The following WWOX variants were observed in gnomAD, a reference collection of about 807,000 sequenced individuals.
The protein encoded by WWOX is WW domain-containing oxidoreductase.
A neutral mutation model predicts 46.2 loss-of-function variants in WWOX; 69 were observed. The observed-to-expected ratio is 1.49, with a 90% CI of 1.23 to 1.82. WWOX has a LOEUF of 1.82. WWOX is among the 40% of genes most tolerant of loss of function. The pLI, the probability that WWOX is intolerant of heterozygous loss-of-function variation, is 0.00. For missense variants in WWOX, 919 were observed against 542.6 expected (o/e 1.69, Z -6.89); for synonymous variants, 359 against 202.6 (o/e 1.77, Z -6.56).
intron 8 of WWOX, among the ~76,000 whole-genome samples, chr16:78,800,448 A>T (rs1459562957): frequency 6.6e-6 from 1 of 152,176 alleles, no homozygotes; most frequent in East Asian, 1.9e-4. Flanking sequence ...CTGGCTATGA[A>T]AATGGCCCCA....
At chr16:78,693,124 A>G (rs553265729) in intron 8 of WWOX, among the ~76,000 whole-genome samples, 2 of 152,288 alleles carry the variant, frequency 1.3e-5, no homozygotes, top group Admixed American at 6.5e-5. Context: ...TTGTAAATGT[A>G]TGTTGCTTTG....
intron 5 of WWOX, among the ~76,000 whole-genome samples, chr16:78,265,093 C>T (rs564685508): frequency 1.3e-3 from 190 of 150,836 alleles, no homozygotes; most frequent in African/African-American, 4.3e-3. Flanking sequence ...CTCTGCCTGC[C>T]TGGTTCAAGT....
rs186647849 is a variant in WWOX at position 78,155,348 on chromosome 16, A to G, written c.410-8835A>G. On this transcript the variant is annotated intron_variant, in intron 4 of 8. Transcript: ENST00000566780. ...GTCTGTGGGCTTGACTTGTCCTCTG[A>G]TCATCAGTTTGTGACCTCTGTTCTA... Among the ~76,000 whole-genome samples the G allele has an allele frequency of 5.7e-3, 871 of 152,322 alleles. 2 individuals carry two copies. The highest frequency in any genetic ancestry group is 0.017 in the Middle Eastern group (5 of 294).
intron 5 of WWOX, among the ~76,000 whole-genome samples, chr16:78,330,631 G>A (rs1157548815): frequency 6.6e-6 from 1 of 152,172 alleles, no homozygotes; most frequent in African/African-American, 2.4e-5. Flanking sequence ...TTTTGACCTC[G>A]TGATCCGCCC....
At chr16:78,592,267 T>C (rs1251701054) in intron 8 of WWOX, among the ~76,000 whole-genome samples, 1 of 152,230 alleles carries the variant, frequency 6.6e-6, no homozygotes, top group East Asian at 1.9e-4. Flanking sequence ...TCAGATTCTA[T>C]TTCACTAAAT....
chr16:78,687,984 G>C (rs1009239015), intron 8 of WWOX, among the ~76,000 whole-genome samples: 5 of 152,078 alleles, frequency 3.3e-5, no homozygotes, highest in African/African-American at 1.2e-4. Context: ...AAATGAACTT[G>C]CTACTTGGTT....
chr16:78,282,210 A>G (rs756896675), intron 5 of WWOX, among the ~76,000 whole-genome samples: 3 of 152,176 alleles, frequency 2.0e-5, no homozygotes, highest in South Asian at 2.1e-4. Context: ...ATGAGGTCCA[A>G]TTTTGCAAAA....
chr16:79,129,833 C>G (rs562400618), intron 8 of WWOX, among the ~76,000 whole-genome samples: 19 of 152,276 alleles, frequency 1.2e-4, no homozygotes, highest in Middle Eastern at 3.4e-3. Context: ...AGGAGGGTGA[C>G]AGCCTGGGTC....
intron 8 of WWOX, among the ~76,000 whole-genome samples, chr16:78,827,660 C>G (rs6564601): frequency 0.31 from 46,360 of 149,024 alleles, 7,419 homozygotes; most frequent in Middle Eastern, 0.45. Context: ...TGGTGAAACC[C>G]CATCTCTACT....
intron 8 of WWOX, among the ~76,000 whole-genome samples, chr16:79,076,622 T>C (rs2048662454): frequency 6.6e-6 from 1 of 152,200 alleles, no homozygotes; most frequent in Admixed American, 6.5e-5. Context: ...TGATTCTATC[T>C]GTACCTACCA....
chr16:78,604,180 A>G (rs2045689548), intron 8 of WWOX, among the ~76,000 whole-genome samples: 1 of 152,140 alleles, frequency 6.6e-6, no homozygotes, highest in Admixed American at 6.5e-5. Context: ...TGAATTTTGA[A>G]GACACAAATT....
At chr16:78,470,113 C>G (rs919045023) in intron 8 of WWOX, among the ~76,000 whole-genome samples, 2 of 152,218 alleles carry the variant, frequency 1.3e-5, no homozygotes, top group Non-Finnish European at 2.9e-5. Flanking sequence ...CCCAGGGACT[C>G]AAGCTCTTTT....
intron 6 of WWOX, among the ~76,000 whole-genome samples, chr16:78,393,301 C>A (rs2082214863): frequency 6.6e-6 from 1 of 152,174 alleles, no homozygotes. Flanking sequence ...ATATTTTGAA[C>A]AGGGCCTAGA....
intron 8 of WWOX, among the ~76,000 whole-genome samples, chr16:79,090,754 G>A (rs563666447): frequency 6.6e-6 from 1 of 152,304 alleles, no homozygotes; most frequent in Admixed American, 6.5e-5. Flanking sequence ...CAGGAGGAGA[G>A]ACTGAGGAGG....
chr16:78,423,789 T>G (rs1478667123), intron 6 of WWOX, among the ~76,000 whole-genome samples: 1 of 148,484 alleles, frequency 6.7e-6, no homozygotes, highest in Non-Finnish European at 1.5e-5. Context: ...GAGACTGCAG[T>G]GAGTTATGAC....
chr16:78,620,204 A>C lies in WWOX; in HGVS notation c.1056+187452A>C, dbSNP rs545058657. Among the ~76,000 whole-genome samples, 6 of 152,352 alleles carry C rather than the reference A, an allele frequency of 3.9e-5. No homozygotes were observed. The South Asian group carries it at 1.2e-3, about 32-fold the overall frequency. ...GTTTCTGAAATGAGAAATCTAAGGA[A>C]CTGGCTTAACCAAGAAGCAGCAAGC... On this transcript the variant is annotated intron_variant, in intron 8 of 8. Coordinates refer to ENST00000566780, the MANE Select transcript of WWOX (RefSeq NM_016373.4).
At chr16:78,571,924 G>A (rs997284762) in intron 8 of WWOX, among the ~76,000 whole-genome samples, 4 of 152,090 alleles carry the variant, frequency 2.6e-5, no homozygotes, top group African/African-American at 9.7e-5. Flanking sequence ...CACCAGATTG[G>A]CAAAACGTTA....
chr16:78,724,966 A>C lies in WWOX; in HGVS notation c.1056+292214A>C, dbSNP rs1192056679. 2.0e-5 allele frequency among the ~76,000 whole-genome samples: 3 copies of C among 152,186 alleles called. No individual in the cohort carries two copies. In the East Asian group the frequency reaches 5.8e-4, roughly 29 times the overall value. On this transcript the variant is annotated intron_variant, in intron 8 of 8. Transcript: ENST00000566780. ...GTATTTTACAGGTGCTTGTTGCATT[A>C]ATGCACTTTATTGGTGATATGGTTT...
chr16:78,604,648 A>G (rs1235008982), intron 8 of WWOX, among the ~76,000 whole-genome samples: 1 of 149,774 alleles, frequency 6.7e-6, no homozygotes, highest in African/African-American at 2.5e-5. Context: ...TAAAGATTTA[A>G]AAAAGATTCC....
Sources: gnomAD v4.1 joint callset for allele counts (sites outside exome capture counted in the v4.1 genomes callset) on GRCh38, gnomAD v4.1.1 for gene constraint, MANE v1.5 for transcripts, NCBI Gene and HGNC (gene_info 2026-07-23, HGNC 2026-07-21) for gene names.